ADCY3: variants seen among roughly 807,000 people sequenced by gnomAD.
ADCY3 encodes the protein adenylate cyclase type 3.
Under a neutral mutation model 119.4 loss-of-function variants are expected in ADCY3, and 70 were observed. The ratio of observed to expected loss-of-function variants is 0.59; its 90% CI spans 0.48 to 0.72. ADCY3 has a LOEUF of 0.72. Ranked by LOEUF, ADCY3 falls within the 30% of genes least tolerant of loss-of-function variation. The pLI is 0.00. For synonymous variants in ADCY3, 672 were observed against 621.4 expected (o/e 1.08, Z -1.21); for missense variants, 1,238 against 1,541.6 (o/e 0.80, Z 3.30).
chr2:24,887,530 G>A (rs1179947486), intron 2 of ADCY3, among the ~76,000 whole-genome samples: 6 of 152,134 alleles, frequency 3.9e-5, no homozygotes, highest in Non-Finnish European at 5.9e-5. Flanking sequence ...GGGGTTCACC[G>A]GCATCATGCA....
Position 24,834,776 on chromosome 2 carries a change from C to T in ADCY3, c.1805+18G>A. Reference sequence around the variant, plus strand: ...CCGGGAGGAGTGGTGGGCCTGGACGCTTCCGGGTGGCGCTTACACTTGGGC... The same window carrying T: ...CCGGGAGGAGTGGTGGGCCTGGACGTTTCCGGGTGGCGCTTACACTTGGGC... On this transcript the variant is annotated intron_variant, in intron 10 of 21. Transcript: ENST00000679454. This position sits in a 1 kb window ranked among gnomAD's most constrained non-coding sequence, Gnocchi z 4.2. The T allele has an allele frequency of 6.2e-7, 1 of 1,610,754 alleles. No homozygotes were observed. The highest frequency in any genetic ancestry group is 8.5e-7 in the Non-Finnish European group (1 of 1,177,708).
Position 24,830,745 on chromosome 2 carries a change from G to T in ADCY3, c.2136C>A (p.Ala712=). ...CATTTGCCATCACCAGGATGAAGAT[G>T]GCGAGCATGGCCCAGGTGTTCCTGG... ...RWARNTWAML[A]IFILVMANVV... The change falls in exon 13 of 22, where the codon GCC becomes GCA. Residue 712 remains alanine, a synonymous_variant. Transcript: ENST00000679454. 2 of 1,614,120 alleles carry T rather than the reference G, an allele frequency of 1.2e-6. No individual in the cohort carries two copies. The highest frequency in any genetic ancestry group is 1.7e-6 in the Non-Finnish European group (2 of 1,180,010).
At chr2:24,873,086 C>T (rs1197592625) in intron 2 of ADCY3, among the ~76,000 whole-genome samples, 6 of 152,246 alleles carry the variant, frequency 3.9e-5, no homozygotes, top group Non-Finnish European at 8.8e-5. Context: ...CCTCTGCCAC[C>T]CATTCATTCC....
chr2:24,840,590 G>A (rs1670884229), intron 6 of ADCY3: 1 of 464,406 alleles, frequency 2.2e-6, no homozygotes, highest in African/African-American at 2.0e-5. Flanking sequence ...GCAACTTCCT[G>A]GACTCCATCC....
In ADCY3 at chr2:24,834,423, GC is replaced by G. The variant is rs980078954; in HGVS notation, c.1967+61del. On this transcript the variant is annotated intron_variant, in intron 11 of 21. Transcript: ENST00000679454. This position sits in a 1 kb window ranked among gnomAD's most constrained non-coding sequence, Gnocchi z 4.2. ...GGCTCCCGCTGAGACACCTGCCCCCGCCCCCCGCCCGGCACCACCGCAGCCG... is the reference window on the plus strand; with the variant it reads ...GGCTCCCGCTGAGACACCTGCCCCCGCCCCCGCCCGGCACCACCGCAGCCG... The G allele has an allele frequency of 3.1e-4, 428 of 1,388,788 alleles. 2 individuals carry two copies. The East Asian group carries it at 8.8e-3, about 29-fold the overall frequency. 86.0% of individuals were successfully genotyped at this position (1,388,788 alleles called of 1,614,324 possible).
chr2:24,834,869 A>G lies in ADCY3; in HGVS notation c.1730T>C (p.Val577Ala), dbSNP rs758965550. The G allele has an allele frequency of 2.4e-5, 39 of 1,613,624 alleles. No homozygotes were observed. The highest frequency in any genetic ancestry group is 3.2e-5 in the Non-Finnish European group (38 of 1,179,958). Residue 577 changes from valine (V) to alanine (A), a missense_variant, in exon 10 of 22, where the codon GTG becomes GCG. By Grantham distance (64) the Val-to-Ala change is moderately conservative. Around this residue, in one of 7 missense-constraint regions of ADCY3, gnomAD observed 499 missense variants for 571.0 expected, o/e 0.87. Coordinates refer to ENST00000679454, the MANE Select transcript of ADCY3 (RefSeq NM_004036.5). This position sits in a 1 kb window ranked among gnomAD's most constrained non-coding sequence, Gnocchi z 4.2. ...LRLQDLADRV[V>A]DASEDEHELN... is the part of the protein sequence containing the mutation. ...CTCGTGCTCATCTTCAGAGGCATCC[A>G]CCACTCGGTCAGCCAGGTCCTGCAG... is the stretch of plus-strand genomic sequence containing the variant.
intron 2 of ADCY3, among the ~76,000 whole-genome samples, chr2:24,893,164 G>A (rs2148946512): frequency 6.6e-6 from 1 of 151,618 alleles, no homozygotes; most frequent in South Asian, 2.1e-4. Flanking sequence ...CTCCAAGGTA[G>A]CTAAGACTAC....
At chr2:24,874,816 G>A (rs1675470154) in intron 2 of ADCY3, among the ~76,000 whole-genome samples, 2 of 152,210 alleles carry the variant, frequency 1.3e-5, no homozygotes, top group Non-Finnish European at 2.9e-5. Context: ...TCCCCATATT[G>A]TATGTACCTA....
rs1225349205 is a variant in ADCY3, at chr2:24,897,203, C to T, written c.675+21110G>A. On this transcript the variant is annotated intron_variant, in intron 2 of 21. Transcript: ENST00000679454. The stretch of plus-strand genomic sequence containing the variant: ...TCTTTCCCTAACTGCCATTCCTGGT[C>T]TCTAATTCAGCCACACCCTCCTCCT... Among the ~76,000 whole-genome samples the T allele has an allele frequency of 2.0e-5, 3 of 152,104 alleles. No individual in the cohort carries two copies. The East Asian group carries it at 5.8e-4, about 29-fold the overall frequency.
chr2:24,840,157 C>T (rs1038205409), intron 6 of ADCY3, 126 bp from the exon 7 acceptor site: 1 of 1,309,068 alleles, frequency 7.6e-7, no homozygotes. Flanking sequence ...CTGGCAAGGT[C>T]CCCACAGCTT....
Position 24,840,086 on chromosome 2 carries a change from G to GCTGCCC in ADCY3, c.1197-61_1197-56dup, listed in dbSNP as rs1282831593. ...GGGTGTGGCCTTCACGAGGCAGCCA[G>GCTGCCC]CTGCCCCTGCTCCTGCAGGAGAAAT... On this transcript the variant is annotated intron_variant, in intron 6 of 21. Transcript: ENST00000679454. The GCTGCCC allele has an allele frequency of 4.0e-5, 63 of 1,561,018 alleles. No individual in the cohort carries two copies. The East Asian group carries it at 1.3e-3, about 31-fold the overall frequency.
chr2:24,856,177 G>C (rs1436808915), intron 3 of ADCY3, among the ~76,000 whole-genome samples: 1 of 152,178 alleles, frequency 6.6e-6, no homozygotes, highest in Non-Finnish European at 1.5e-5. Context: ...TGTGAATGTG[G>C]AGAGTGTGTG....
At position 24,834,472 on chromosome 2, in the gene ADCY3, G is replaced by A. The variant is rs202021651; in HGVS notation, c.1967+13C>T. The A allele has an allele frequency of 1.3e-4, 211 of 1,575,362 alleles. No individual in the cohort carries two copies. Among genetic ancestry groups the A allele is most frequent in the Non-Finnish European group, 1.8e-4 (204 of 1,158,282 alleles). On this transcript the variant is annotated intron_variant, in intron 11 of 21. Transcript: ENST00000679454. This position sits in a 1 kb window ranked among gnomAD's most constrained non-coding sequence, Gnocchi z 4.2. ...CCGAGGAAACTCGTGGCCCTCCCCG[G>A]CCCCTCCCTCACCAGGGGTCGATGA...
chr2:24,868,609 G>T (rs1360312246), intron 3 of ADCY3, among the ~76,000 whole-genome samples: 4 of 150,828 alleles, frequency 2.7e-5, no homozygotes, highest in Non-Finnish European at 5.9e-5. Context: ...ACTCCAGCCT[G>T]GGTAACAGAG....
At chr2:24,831,596 C>T in intron 12 of ADCY3, 66 bp downstream of exon 12, 2 of 1,257,956 alleles carry the variant, frequency 1.6e-6, no homozygotes, top group Admixed American at 1.8e-5. Context: ...CCATCACTGC[C>T]CAGTTTTACA....
In ADCY3 at chr2:24,841,583, G is replaced by C; in HGVS notation, c.1041C>G (p.Leu347=). ...CTGCCAGCTTGTCAAAGCGGGCAAA[G>C]AGCTCGTTGAGCAGCTTCACAAGCT... The part of the protein sequence containing the change: ...AQELVKLLNE[L]FARFDKLAAK... Residue 347 remains leucine (L), a synonymous_variant, in exon 5 of 22, where the codon CTC becomes CTG. Transcript: ENST00000679454. The surrounding 1 kb of genome is among the most constrained non-coding windows in gnomAD (Gnocchi z 5.8). 6.2e-7 allele frequency: 1 copy of C among 1,613,414 alleles called. No individual in the cohort carries two copies. Among genetic ancestry groups the C allele is most frequent in the Non-Finnish European group, 8.5e-7 (1 of 1,179,966 alleles).
chr2:24,845,518 G>T (rs1350128742), intron 3 of ADCY3, among the ~76,000 whole-genome samples: 1 of 152,188 alleles, frequency 6.6e-6, no homozygotes, highest in African/African-American at 2.4e-5. Context: ...ATGATTTAGG[G>T]TATCTGATGG....
In ADCY3 at chr2:24,872,847, C is replaced by T; in HGVS notation, c.676-128G>A. On this transcript the variant is annotated intron_variant, in intron 2 of 21. Transcript: ENST00000679454. This position sits in a 1 kb window ranked among gnomAD's most constrained non-coding sequence, Gnocchi z 4.4. ...AATCAAACCTCAAGTTGCCCAATGT[C>T]CAGGGAGGGGCCCAGCACAGCCTTG... is the stretch of plus-strand genomic sequence containing the variant. 8.9e-7 allele frequency: 1 copy of T among 1,121,558 alleles called. No individual in the cohort carries two copies. Among genetic ancestry groups the T allele is most frequent in the Non-Finnish European group, 1.3e-6 (1 of 786,490 alleles). 69.5% of individuals were successfully genotyped at this position (1,121,558 alleles called of 1,614,324 possible). A position where few individuals can be genotyped will look rare whatever the true frequency, so the allele number is the denominator to read the frequency against.
At chr2:24,897,864 T>A (rs11683429) in intron 2 of ADCY3, among the ~76,000 whole-genome samples, 48,895 of 151,742 alleles carry the variant, frequency 0.32, 7,994 homozygotes, top group East Asian at 0.37. Context: ...CCCGCCACGT[T>A]CAGGCAGGTT....
Sources: gnomAD v4.1 joint callset for allele counts (sites outside exome capture counted in the v4.1 genomes callset) on GRCh38, gnomAD v4.1.1 for gene constraint, gnomAD v4.1.1 regional missense constraint, Gnocchi (gnomAD v3.1) non-coding constraint, MANE v1.5 for transcripts, NCBI Gene and HGNC (gene_info 2026-07-23, HGNC 2026-07-21) for gene names.